The following NXPE2 variants were observed in gnomAD, a reference collection of about 807,000 sequenced individuals.
The protein encoded by NXPE2 is neurexophilin and PC-esterase domain family member 2, also known as NXPE family member 2.
In NXPE2, 34 loss-of-function variants were observed where a neutral mutation model predicts 34.4. The observed-to-expected ratio is 0.99, with a 90% CI of 0.75 to 1.31. NXPE2 has a LOEUF of 1.31. Ranked by LOEUF, NXPE2 falls within the 40% of genes most tolerant of loss-of-function variation. The probability of loss-of-function intolerance (pLI) is 0.00; values close to 1 mark genes in which losing one functional copy is unlikely to be tolerated. For synonymous variants in NXPE2, 235 were observed against 231.3 expected (o/e 1.02, Z -0.15); for missense variants, 649 against 672.5 (o/e 0.97, Z 0.39).
chr11:114,618,178 C>A, the NXPE2 span, among the ~76,000 whole-genome samples: 1 of 151,726 alleles, frequency 6.6e-6, no homozygotes, highest in Non-Finnish European at 1.5e-5. Context: ...CCATTGGTAC[C>A]CGGTGGATAC....
chr11:114,622,603 G>A, the NXPE2 span, among the ~76,000 whole-genome samples: 5 of 150,360 alleles, frequency 3.3e-5, no homozygotes, highest in African/African-American at 9.8e-5. Context: ...GCATTACCTC[G>A]TGGGTAAACA....
chr11:114,794,320 T>C, the NXPE2 span, among the ~76,000 whole-genome samples: 1 of 152,128 alleles, frequency 6.6e-6, no homozygotes, highest in Non-Finnish European at 1.5e-5. Flanking sequence ...TCCCCCTGCT[T>C]GTTCATATTG....
At chr11:114,591,916 C>T in the NXPE2 span, among the ~76,000 whole-genome samples, 2 of 152,090 alleles carry the variant, frequency 1.3e-5, no homozygotes, top group African/African-American at 2.4e-5. Context: ...GTGGCCCCTT[C>T]TCATTCAACA....
At chr11:114,632,965 T>C in the NXPE2 span, among the ~76,000 whole-genome samples, 24 of 103,126 alleles carry the variant, frequency 2.3e-4, no homozygotes, top group Non-Finnish European at 3.8e-4. Context: ...TATATAATTA[T>C]ATATTATATA....
chr11:114,740,895 A>G, the NXPE2 span, among the ~76,000 whole-genome samples: 4 of 152,158 alleles, frequency 2.6e-5, no homozygotes, highest in Non-Finnish European at 5.9e-5. Context: ...CTTTTGATGG[A>G]TGACTCCTTA....
the NXPE2 span, among the ~76,000 whole-genome samples, chr11:114,629,979 T>C: frequency 5.3e-5 from 8 of 150,530 alleles, no homozygotes; most frequent in East Asian, 1.6e-3. Context: ...GTGAAGGAAC[T>C]CTTCAAGGAG....
chr11:114,609,487 A>G, the NXPE2 span, among the ~76,000 whole-genome samples: 1 of 151,594 alleles, frequency 6.6e-6, no homozygotes, highest in East Asian at 2.0e-4. Context: ...CTCTAGGGTA[A>G]CCATTGTTAC....
chr11:114,593,351 TA>T, the NXPE2 span, among the ~76,000 whole-genome samples: 1 of 151,974 alleles, frequency 6.6e-6, no homozygotes, highest in Admixed American at 6.6e-5. Flanking sequence ...ACAATCCAAT[TA>T]AAAATTGGGC....
At chr11:114,515,616 A>G in the NXPE2 span, among the ~76,000 whole-genome samples, 2 of 152,212 alleles carry the variant, frequency 1.3e-5, no homozygotes, top group Non-Finnish European at 2.9e-5. Context: ...GGAAGAAACA[A>G]GGAAACAGTG....
the NXPE2 span, chr11:114,584,213 T>C: frequency 2.6e-6 from 1 of 383,110 alleles, no homozygotes; most frequent in South Asian, 2.2e-5. Context: ...GCTGTGGCTC[T>C]GGATATGGAG....
At chr11:114,658,155 T>C in the NXPE2 span, among the ~76,000 whole-genome samples, 6 of 152,300 alleles carry the variant, frequency 3.9e-5, no homozygotes, top group Non-Finnish European at 8.8e-5. Flanking sequence ...TCATTTAACT[T>C]ATTAGAAATT....
At chr11:114,799,853 CTCCCTTCA>C in the NXPE2 span, among the ~76,000 whole-genome samples, 4 of 151,700 alleles carry the variant, frequency 2.6e-5, no homozygotes, top group African/African-American at 9.7e-5. Flanking sequence ...GTTCCCCTCC[CTCCCTTCA>C]TCTCACCCTC....
At chr11:114,750,974 C>CTTTTTTTTTTTTTTTTTTTTTTT in the NXPE2 span, among the ~76,000 whole-genome samples, 1 of 151,876 alleles carries the variant, frequency 6.6e-6, no homozygotes, top group African/African-American at 2.4e-5. Context: ...ATGTCCTACT[C>CTTTTTTTTTTTTTTTTTTTTTTT]TTGTTGTGGG....
chr11:114,801,629 C>CAGTT, the NXPE2 span, among the ~76,000 whole-genome samples: 1 of 152,016 alleles, frequency 6.6e-6, no homozygotes, highest in African/African-American at 2.4e-5. Context: ...GCAAGGAGAC[C>CAGTT]AGTTAGGAAG....
chr11:114,549,637 G>A, the NXPE2 span, among the ~76,000 whole-genome samples: 2 of 151,948 alleles, frequency 1.3e-5, no homozygotes, highest in Non-Finnish European at 1.5e-5. Flanking sequence ...TTACTTAAGG[G>A]AAACACTAAA....
chr11:114,751,816 C>G, the NXPE2 span, among the ~76,000 whole-genome samples: 1 of 152,070 alleles, frequency 6.6e-6, no homozygotes, highest in Non-Finnish European at 1.5e-5. Context: ...CAGGCAGGCC[C>G]TATGTAATCA....
intron 2 of NXPE2, among the ~76,000 whole-genome samples, chr11:114,690,007 C>T (rs956119737): frequency 2.6e-5 from 4 of 152,120 alleles, no homozygotes; most frequent in Non-Finnish European, 5.9e-5. Flanking sequence ...CTCCTGAAGA[C>T]AGCAGAAGGA....
chr11:114,806,986 T>G, the NXPE2 span, among the ~76,000 whole-genome samples: 1 of 152,044 alleles, frequency 6.6e-6, no homozygotes, highest in Non-Finnish European at 1.5e-5. Flanking sequence ...GACTAACAGC[T>G]GATCTCTCGC....
the NXPE2 span, among the ~76,000 whole-genome samples, chr11:114,773,157 A>G: frequency 1.3e-5 from 2 of 151,930 alleles, no homozygotes; most frequent in African/African-American, 4.8e-5. Flanking sequence ...GCATGCTCCT[A>G]CCAAAGAGGA....
Sources: allele counts gnomAD v4.1 joint callset (sites outside exome capture counted in the v4.1 genomes callset), GRCh38; gene constraint gnomAD v4.1.1; transcripts MANE v1.5; gene names NCBI Gene and HGNC (gene_info 2026-07-23, HGNC 2026-07-21).